The following PITPNM2 variants were observed in gnomAD, a reference collection of about 807,000 sequenced individuals.
PITPNM2 encodes membrane-associated phosphatidylinositol transfer protein 2.
A neutral mutation model predicts 132.2 loss-of-function variants in PITPNM2; 35 were observed. That is an observed-to-expected ratio of 0.26 (90% CI 0.20 to 0.35). The LOEUF is 0.35. PITPNM2 is among the 10% of genes least tolerant of loss of function. The pLI, the probability that PITPNM2 is intolerant of heterozygous loss-of-function variation, is 1.00. For synonymous variants in PITPNM2, 738 were observed against 799.2 expected, an observed-to-expected ratio of 0.92 and a Z score of 1.29; for missense variants, 1,332 against 1,912.0, an observed-to-expected ratio of 0.70 and a Z score of 5.66.
intron 3 of PITPNM2, among the ~76,000 whole-genome samples, chr12:123,016,902 C>T (rs1451884444): frequency 2.0e-5 from 3 of 151,440 alleles, no homozygotes; most frequent in Non-Finnish European, 2.9e-5. Flanking sequence ...AAAAATTAGC[C>T]GGGCATGGTG....
intron 2 of PITPNM2, among the ~76,000 whole-genome samples, chr12:123,073,398 A>T (rs556587637): frequency 1.3e-5 from 2 of 152,290 alleles, no homozygotes; most frequent in South Asian, 2.1e-4. Context: ...AGAGTAAGTT[A>T]TGGGAATGCC....
At chr12:123,070,962 G>A (rs777077717) in intron 2 of PITPNM2, among the ~76,000 whole-genome samples, 2 of 152,242 alleles carry the variant, frequency 1.3e-5, no homozygotes, top group Admixed American at 6.5e-5. Flanking sequence ...AGGGAAGGAG[G>A]CCAGCAGAGA....
chr12:122,999,820 AC>A (rs1268195770), intron 10 of PITPNM2, among the ~76,000 whole-genome samples: 1 of 152,118 alleles, frequency 6.6e-6, no homozygotes, highest in East Asian at 1.9e-4. Flanking sequence ...GGATGGCGGT[AC>A]CCCAGAATCA....
Position 122,992,528 on chromosome 12 carries a change from G to T in PITPNM2, c.2375C>A (p.Pro792Gln). Residue 792 changes from proline to glutamine, a missense_variant, in exon 16 of 26, where the codon CCG (proline) becomes CAG (glutamine). Around this residue, in one of 6 missense-constraint regions of PITPNM2, gnomAD observed 710 missense variants for 911.5 expected, o/e 0.78. Transcript: ENST00000320201. This position sits in a 1 kb window ranked among gnomAD's most constrained non-coding sequence, Gnocchi z 6.5. Reference sequence around the variant, plus strand: ...CAGCGTGGAGCAGCCATCCCCCAGCGGGTAGCGTTGGTAGCGGGGGACGCT... The same window carrying T: ...CAGCGTGGAGCAGCCATCCCCCAGCTGGTAGCGTTGGTAGCGGGGGACGCT... The part of the protein sequence containing the change: ...PFSVPRYQRY[P>Q]LGDGCSTLLA... 2 of 1,611,200 alleles carry T rather than the reference G, an allele frequency of 1.2e-6. No homozygotes were observed. The highest frequency in any genetic ancestry group is 1.7e-6 in the Non-Finnish European group (2 of 1,179,500).
At chr12:123,149,293 T>C (rs2043680582) in intron 1 of PITPNM2, among the ~76,000 whole-genome samples, 1 of 152,184 alleles carries the variant, frequency 6.6e-6, no homozygotes, top group Non-Finnish European at 1.5e-5. Flanking sequence ...ATCTGGAGTC[T>C]TTGCCTGGCC....
intron 1 of PITPNM2, among the ~76,000 whole-genome samples, chr12:123,123,479 C>T (rs1006482284): frequency 1.3e-5 from 2 of 152,002 alleles, no homozygotes; most frequent in Non-Finnish European, 2.9e-5. Context: ...GGTGCAGTTG[C>T]ACGTGCCTCT....
intron 3 of PITPNM2, among the ~76,000 whole-genome samples, chr12:123,030,680 G>A (rs1177229141): frequency 1.3e-5 from 2 of 150,092 alleles, no homozygotes; most frequent in East Asian, 1.9e-4. Flanking sequence ...GCGACAGAGC[G>A]AGACTCCATC....
intron 2 of PITPNM2, among the ~76,000 whole-genome samples, chr12:123,094,998 T>C (rs1452411358): frequency 1.3e-5 from 2 of 152,248 alleles, no homozygotes; most frequent in African/African-American, 4.8e-5. Flanking sequence ...CGTGGCGCAC[T>C]GAAGCAAGCA....
At position 123,001,235 on chromosome 12, in the gene PITPNM2, T is replaced by C. The variant is rs1398274557; in HGVS notation, c.1049-77A>G. 7.2e-6 allele frequency: 8 copies of C among 1,105,684 alleles called. No homozygotes were observed. In the Admixed American group the frequency reaches 1.2e-4, roughly 17 times the overall value. The allele number at this position is 1,105,684 out of a possible 1,614,324, so 68.5% of individuals were successfully genotyped here. A position where few individuals can be genotyped will look rare whatever the true frequency, so the allele number is the denominator to read the frequency against. ...TGGCTTCCCGAGGTGGGGACGCCCC[T>C]GTGTACGGCTCTGCTCTGACCGTTC... is the stretch of plus-strand genomic sequence containing the variant. On this transcript the variant is annotated intron_variant, in intron 8 of 25. Transcript: ENST00000320201.
rs2038617903 is a variant in PITPNM2 at position 123,000,620 on chromosome 12, A to T, written c.1224+158T>A. The T allele has an allele frequency of 6.2e-6, 5 of 806,380 alleles. No homozygotes were observed. The highest frequency in any genetic ancestry group is 5.3e-5 in the East Asian group (2 of 37,454). 50.0% of individuals were successfully genotyped at this position (806,380 alleles called of 1,614,324 possible). A position where few individuals can be genotyped will look rare whatever the true frequency, so the allele number is the denominator to read the frequency against. On this transcript the variant is annotated intron_variant, in intron 10 of 25. Transcript: ENST00000320201. The surrounding 1 kb of genome is among the most constrained non-coding windows in gnomAD (Gnocchi z 5.4). ...CGCCTTCCTAGCAGGGCAGCAAAAA[A>T]GGAGGCCCAGGCCTCTCCCCAGACA... is the stretch of plus-strand genomic sequence containing the variant.
intron 2 of PITPNM2, among the ~76,000 whole-genome samples, chr12:123,057,697 C>T (rs1005481501): frequency 3.9e-5 from 6 of 152,192 alleles, no homozygotes; most frequent in South Asian, 4.1e-4. Flanking sequence ...CTGGTGGTGA[C>T]GGTTCATCTG....
At chr12:123,069,238 CCTA>C (rs893406341) in intron 2 of PITPNM2, among the ~76,000 whole-genome samples, 5 of 151,034 alleles carry the variant, frequency 3.3e-5, no homozygotes, top group African/African-American at 1.2e-4. Context: ...CAGAGTAAGA[CCTA>C]CTCTCTAAAA....
intron 2 of PITPNM2, among the ~76,000 whole-genome samples, chr12:123,086,765 G>C (rs533124344): frequency 6.6e-6 from 1 of 152,328 alleles, no homozygotes; most frequent in East Asian, 1.9e-4. Context: ...TATCTCAAGG[G>C]AAGTGTGGAA....
chr12:122,999,816 C>T (rs988718985), intron 10 of PITPNM2, among the ~76,000 whole-genome samples: 11 of 152,296 alleles, frequency 7.2e-5, no homozygotes, highest in Admixed American at 4.6e-4. Flanking sequence ...CTTTGGATGG[C>T]GGTACCCCAG....
chr12:123,120,913 T>TA (rs1301175929), intron 1 of PITPNM2, among the ~76,000 whole-genome samples: 1 of 152,178 alleles, frequency 6.6e-6, no homozygotes, highest in Non-Finnish European at 1.5e-5. Context: ...GATCACTGGG[T>TA]GCTTCACTTG....
chr12:123,001,188 G>A (rs200307367), intron 8 of PITPNM2, 30 bp from the exon 9 acceptor site: 4 of 1,576,636 alleles, frequency 2.5e-6, no homozygotes, highest in Non-Finnish European at 3.5e-6. Flanking sequence ...ACTCAGGTGG[G>A]ACTGGGAACG....
intron 3 of PITPNM2, among the ~76,000 whole-genome samples, chr12:123,029,174 G>T (rs1164045687): frequency 2.0e-5 from 3 of 152,184 alleles, no homozygotes; most frequent in Non-Finnish European, 4.4e-5. Context: ...GCCTACTAGG[G>T]GTCCCAAAGA....
intron 2 of PITPNM2, among the ~76,000 whole-genome samples, chr12:123,100,353 T>C (rs1037597936): frequency 6.6e-6 from 1 of 152,184 alleles, no homozygotes; most frequent in Non-Finnish European, 1.5e-5. Flanking sequence ...AAGCTGGGCA[T>C]GGTGGCTCAT....
At chr12:123,042,586 G>A (rs12313185) in intron 2 of PITPNM2, among the ~76,000 whole-genome samples, 1 of 152,196 alleles carries the variant, frequency 6.6e-6, no homozygotes, top group Non-Finnish European at 1.5e-5. Context: ...GGTTTTTGCA[G>A]TAGTGGGAAG....
Sources: allele counts gnomAD v4.1 joint callset (sites outside exome capture counted in the v4.1 genomes callset), GRCh38; gene constraint gnomAD v4.1.1; regional missense constraint gnomAD v4.1.1; non-coding constraint Gnocchi (gnomAD v3.1); transcripts MANE v1.5; gene names NCBI Gene and HGNC (gene_info 2026-07-23, HGNC 2026-07-21).